MRTFA: variants seen among roughly 807,000 people sequenced by gnomAD.
MRTFA encodes the protein myocardin-related transcription factor A.
MRTFA carries 20 observed loss-of-function variants against 83.5 expected under a neutral mutation model. The ratio of observed to expected loss-of-function variants is 0.24; its 90% CI spans 0.17 to 0.35. MRTFA has a LOEUF of 0.35. Ranked by LOEUF, MRTFA falls within the 10% of genes least tolerant of loss-of-function variation. The probability of loss-of-function intolerance (pLI) is 1.00; values close to 1 mark genes in which losing one functional copy is unlikely to be tolerated. For synonymous variants in MRTFA, 659 were observed against 541.2 expected (o/e 1.22, Z -3.02); for missense variants, 1,200 against 1,224.7 (o/e 0.98, Z 0.30).
intron 4 of MRTFA, chr22:40,436,374 AT>A (rs1238910821): frequency 6.5e-6 from 1 of 154,380 alleles, no homozygotes; most frequent in Admixed American, 6.5e-5. Flanking sequence ...ACTCGGCACT[AT>A]TTCCTTCTTC....
chr22:40,509,523 C>G (rs1221670581), intron 3 of MRTFA, among the ~76,000 whole-genome samples: 1 of 152,178 alleles, frequency 6.6e-6, no homozygotes, highest in African/African-American at 2.4e-5. Context: ...TCTAAACTTT[C>G]TGGTGAGCTT....
At chr22:40,515,738 G>A (rs542564202) in intron 3 of MRTFA, among the ~76,000 whole-genome samples, 1 of 152,080 alleles carries the variant, frequency 6.6e-6, no homozygotes, top group Non-Finnish European at 1.5e-5. Context: ...ATGCATATCA[G>A]GAAACTCGCC....
At chr22:40,502,428 G>A (rs1342838933) in intron 3 of MRTFA, among the ~76,000 whole-genome samples, 3 of 126,634 alleles carry the variant, frequency 2.4e-5, no homozygotes, top group Admixed American at 7.5e-5. Flanking sequence ...AGATGGGGCG[G>A]CGGGGCAGAG....
chr22:40,633,996 C>T (rs1357818970), intron 1 of MRTFA, among the ~76,000 whole-genome samples: 1 of 152,100 alleles, frequency 6.6e-6, no homozygotes, highest in Admixed American at 6.5e-5. Flanking sequence ...TAAAGCAACA[C>T]AATCAAAGCC....
intron 1 of MRTFA, among the ~76,000 whole-genome samples, chr22:40,611,894 G>GA (rs1360032132): frequency 2.6e-5 from 4 of 151,376 alleles, no homozygotes; most frequent in Non-Finnish European, 5.9e-5. Flanking sequence ...TGGAAAGGAA[G>GA]AAAAAAAACA....
intron 3 of MRTFA, among the ~76,000 whole-genome samples, chr22:40,511,744 A>G (rs982103291): frequency 5.9e-5 from 9 of 152,238 alleles, no homozygotes; most frequent in Non-Finnish European, 8.8e-5. Flanking sequence ...TGGCAGTGCC[A>G]GTAGTAACAG....
chr22:40,519,600 T>C (rs923539243), intron 3 of MRTFA: 7 of 1,326,382 alleles, frequency 5.3e-6, no homozygotes, highest in Admixed American at 4.8e-5. Flanking sequence ...TATACCCAAT[T>C]TGAGACATTT....
intron 3 of MRTFA, among the ~76,000 whole-genome samples, chr22:40,468,993 T>C (rs1188391317): frequency 6.6e-6 from 1 of 152,234 alleles, no homozygotes; most frequent in Admixed American, 6.5e-5. Flanking sequence ...AATTAATAGA[T>C]GTCATTTCTG....
At chr22:40,610,806 T>C (rs1284846765) in intron 1 of MRTFA, among the ~76,000 whole-genome samples, 1 of 150,864 alleles carries the variant, frequency 6.6e-6, no homozygotes, top group Non-Finnish European at 1.5e-5. Flanking sequence ...AAAAAAGTCT[T>C]GGAGGGAAAA....
At chr22:40,500,960 G>C (rs1355423972) in intron 3 of MRTFA, among the ~76,000 whole-genome samples, 2 of 143,486 alleles carry the variant, frequency 1.4e-5, no homozygotes, top group Non-Finnish European at 3.1e-5. Flanking sequence ...TCACTTCCCA[G>C]TAGGGGCGGC....
At chr22:40,503,896 T>A (rs2147229698) in intron 3 of MRTFA, among the ~76,000 whole-genome samples, 1 of 151,956 alleles carries the variant, frequency 6.6e-6, no homozygotes, top group South Asian at 2.1e-4. Flanking sequence ...CACTTCAGCC[T>A]GGGCAACAGA....
chr22:40,544,375 C>T (rs1410432845), intron 3 of MRTFA, among the ~76,000 whole-genome samples: 1 of 152,120 alleles, frequency 6.6e-6, no homozygotes, highest in East Asian at 1.9e-4. Flanking sequence ...GGTGGGACTA[C>T]AGGCATGAGC....
At chr22:40,498,269 A>ATTTTTTTTTTTTTTT (rs1335035545) in intron 3 of MRTFA, among the ~76,000 whole-genome samples, 1 of 88,384 alleles carries the variant, frequency 1.1e-5, no homozygotes, top group African/African-American at 5.1e-5. Flanking sequence ...ATATATATAT[A>ATTTTTTTTTTTTTTT]TATATTTTTT....
intron 3 of MRTFA, among the ~76,000 whole-genome samples, chr22:40,545,858 C>CA (rs1368314897): frequency 6.6e-6 from 1 of 151,838 alleles, no homozygotes; most frequent in Admixed American, 6.6e-5. Flanking sequence ...CTCAGCCTCC[C>CA]AAGTAGCTGG....
rs115500708 is a variant in MRTFA, at chr22:40,627,298, G to C, written c.-84+9180C>G. On this transcript the variant is annotated intron_variant, in intron 1 of 14. Coordinates refer to ENST00000355630, the MANE Select transcript of MRTFA (RefSeq NM_020831.6). Reference sequence around the variant, plus strand: ...TGAGCTACTTTTTTTACTTCTTGTAGACACACGGTCTTGTCATGTTGCCCA... The same window carrying C: ...TGAGCTACTTTTTTTACTTCTTGTACACACACGGTCTTGTCATGTTGCCCA... Among the ~76,000 whole-genome samples, 672 of 152,152 alleles carry C rather than the reference G, an allele frequency of 4.4e-3. 7 individuals are homozygous for C. Among genetic ancestry groups the C allele is most frequent in the African/African-American group, 0.016 (647 of 41,496 alleles).
chr22:40,535,919 T>C (rs1179815190), intron 3 of MRTFA, among the ~76,000 whole-genome samples: 1 of 152,092 alleles, frequency 6.6e-6, no homozygotes, highest in Non-Finnish European at 1.5e-5. Flanking sequence ...ACATCTCAGT[T>C]GATTTGACTT....
intron 3 of MRTFA, among the ~76,000 whole-genome samples, chr22:40,502,003 CG>C (rs1468774716): frequency 7.3e-6 from 1 of 137,318 alleles, no homozygotes; most frequent in East Asian, 2.4e-4. Flanking sequence ...ACCTCCCTCC[CG>C]GACGGGGCAG....
intron 1 of MRTFA, among the ~76,000 whole-genome samples, chr22:40,610,862 G>A (rs1187815129): frequency 1.3e-5 from 2 of 151,578 alleles, no homozygotes; most frequent in South Asian, 2.1e-4. Flanking sequence ...TAAAGGAAGA[G>A]GTGAGTCTGA....
chr22:40,434,585 G>C (rs1455394022), intron 5 of MRTFA, among the ~76,000 whole-genome samples: 1 of 152,092 alleles, frequency 6.6e-6, no homozygotes, highest in African/African-American at 2.4e-5. Flanking sequence ...ACCCAGGCGT[G>C]GTGGCGGGAG....
Sources: gnomAD v4.1 joint callset for allele counts (sites outside exome capture counted in the v4.1 genomes callset) on GRCh38, gnomAD v4.1.1 for gene constraint, MANE v1.5 for transcripts, NCBI Gene and HGNC (gene_info 2026-07-23, HGNC 2026-07-21) for gene names.